Variants in MAPK1IP1L observed in about 807,000 individuals in gnomAD.
MAPK1IP1L encodes mitogen-activated protein kinase 1 interacting protein 1 like, also known as MAPK-interacting and spindle-stabilizing protein-like.
In MAPK1IP1L, 10 loss-of-function variants were observed where a neutral mutation model predicts 18.1. The observed-to-expected ratio is 0.55, with a 90% CI of 0.34 to 0.94. The LOEUF (loss-of-function observed/expected upper bound fraction) is 0.94. MAPK1IP1L is among the 40% of genes least tolerant of loss of function. The pLI, the probability that MAPK1IP1L is intolerant of heterozygous loss-of-function variation, is 0.02. For missense variants in MAPK1IP1L, 260 were observed against 318.2 expected (o/e 0.82, Z 1.39); for synonymous variants, 115 against 117.3 (o/e 0.98, Z 0.13).
In MAPK1IP1L at chr14:55,069,993, ATT is replaced by A. The variant is rs1331274285; in HGVS notation, c.*5368_*5369del. The stretch of plus-strand genomic sequence containing the variant: ...TCGCTGGCATTCCTTGGAACTCCCA[ATT>A]TCAGTAGGGCAATGAATGAATGAAT... On this transcript the variant is annotated 3_prime_UTR_variant, in exon 4 of 4. Coordinates refer to ENST00000395468, the MANE Select transcript of MAPK1IP1L (RefSeq NM_144578.4). 3 of 152,218 alleles carry A rather than the reference ATT, an allele frequency of 2.0e-5. No individual in the cohort carries two copies. Among genetic ancestry groups the A allele is most frequent in the Non-Finnish European group, 4.4e-5 (3 of 68,042 alleles). 9.4% of individuals were successfully genotyped at this position (152,218 alleles called of 1,614,324 possible).
chr14:55,065,435 T>C lies in MAPK1IP1L; in HGVS notation c.*808T>C, dbSNP rs895467225. 1.3e-5 allele frequency: 2 copies of C among 152,214 alleles called. No homozygotes were observed. Among genetic ancestry groups the C allele is most frequent in the African/African-American group, 4.8e-5 (2 of 41,458 alleles). The allele number at this position is 152,214 out of a possible 1,614,324, so 9.4% of individuals were successfully genotyped here. A position where few individuals can be genotyped will look rare whatever the true frequency, so the allele number is the denominator to read the frequency against. On this transcript the variant is annotated 3_prime_UTR_variant, in exon 4 of 4. Transcript: ENST00000395468. ...CTCGAGGAAGGAAATAATTCTCTCC[T>C]TTGTTTTGAACCTCAAACTAGATAA...
rs376804721 is a variant in MAPK1IP1L at position 55,062,747 on chromosome 14, C to T, written c.148C>T (p.Pro50Ser). 3 of 1,614,160 alleles carry T rather than the reference C, an allele frequency of 1.9e-6. No individual in the cohort carries two copies. The highest frequency in any genetic ancestry group is 2.5e-6 in the Non-Finnish European group (3 of 1,180,018). ...TAATCCGAGTGCTCCATCTTCAGTG[C>T]CATCTGGACTCCCACCAAGTGCAAC... ...WNNPSAPSSV[P>S]SGLPPSATPS... The change falls in exon 3 of 4, where the codon CCA (proline) becomes TCA (serine). Residue 50 changes from proline to serine, a missense_variant. Pro to Ser is a moderately conservative substitution (Grantham distance 74). Transcript: ENST00000395468.
chr14:55,055,508 A>C (rs2042764368), intron 1 of MAPK1IP1L, among the ~76,000 whole-genome samples: 1 of 152,184 alleles, frequency 6.6e-6, no homozygotes, highest in South Asian at 2.1e-4. Flanking sequence ...CATGTTTTTT[A>C]GATCTAATAA....
At chr14:55,052,019 C>T (rs1435068672) in intron 1 of MAPK1IP1L, among the ~76,000 whole-genome samples, 2 of 152,112 alleles carry the variant, frequency 1.3e-5, no homozygotes, top group African/African-American at 4.8e-5. Context: ...GGATCGCCCC[C>T]CAGGGAGAAG....
rs1317125540 is a variant in MAPK1IP1L at position 55,066,527 on chromosome 14, A to G, written c.*1900A>G. On this transcript the variant is annotated 3_prime_UTR_variant, in exon 4 of 4. Transcript: ENST00000395468. Reference sequence around the variant, plus strand: ...CTTGAATTATCAATATCAAAATGTCAGTTAACCATGGAGGGATAAAGTAAT... The same window carrying G: ...CTTGAATTATCAATATCAAAATGTCGGTTAACCATGGAGGGATAAAGTAAT... The G allele has an allele frequency of 6.6e-6, 1 of 152,226 alleles. No individual in the cohort carries two copies. Among genetic ancestry groups the G allele is most frequent in the African/African-American group, 2.4e-5 (1 of 41,456 alleles). 9.4% of individuals were successfully genotyped at this position (152,226 alleles called of 1,614,324 possible). A position where few individuals can be genotyped will look rare whatever the true frequency, so the allele number is the denominator to read the frequency against.
chr14:55,062,047 T>C (rs959780513), intron 2 of MAPK1IP1L, among the ~76,000 whole-genome samples: 1 of 152,266 alleles, frequency 6.6e-6, no homozygotes, highest in Non-Finnish European at 1.5e-5. Flanking sequence ...TTTGGAAATG[T>C]TTCCTGTATT....
chr14:55,052,408 C>G (rs922068686), intron 1 of MAPK1IP1L, among the ~76,000 whole-genome samples: 6 of 152,118 alleles, frequency 3.9e-5, no homozygotes, highest in African/African-American at 1.4e-4. Context: ...TAGATGAATA[C>G]CCAGGGCAAA....
In MAPK1IP1L at chr14:55,070,190, G is replaced by A. The variant is rs891990497; in HGVS notation, c.*5563G>A. 1 of 152,188 alleles carries A rather than the reference G, an allele frequency of 6.6e-6. No homozygotes were observed. The highest frequency in any genetic ancestry group is 1.5e-5 in the Non-Finnish European group (1 of 68,040). 9.4% of individuals were successfully genotyped at this position (152,188 alleles called of 1,614,324 possible). A position where few individuals can be genotyped will look rare whatever the true frequency, so the allele number is the denominator to read the frequency against. The stretch of plus-strand genomic sequence containing the variant: ...GGTGAAATAATAAGACCATTCTGGA[G>A]CAGGGCCAGTTTCTTTTTTTCCTGT... On this transcript the variant is annotated 3_prime_UTR_variant, in exon 4 of 4. Coordinates refer to ENST00000395468, the MANE Select transcript of MAPK1IP1L (RefSeq NM_144578.4).
chr14:55,058,512 CT>C (rs1679595494), intron 1 of MAPK1IP1L, among the ~76,000 whole-genome samples: 1 of 152,132 alleles, frequency 6.6e-6, no homozygotes, highest in Non-Finnish European at 1.5e-5. Context: ...CTAAACAGTC[CT>C]CTGTGTCTGC....
intron 1 of MAPK1IP1L, among the ~76,000 whole-genome samples, chr14:55,052,630 C>A (rs1163466033): frequency 6.6e-6 from 1 of 152,186 alleles, no homozygotes; most frequent in Non-Finnish European, 1.5e-5. Context: ...AAATACACAC[C>A]TGGGGGTTGT....
rs905910028 is a variant in MAPK1IP1L at position 55,070,137 on chromosome 14, T to C, written c.*5510T>C. The C allele has an allele frequency of 6.6e-6, 1 of 152,194 alleles. No individual in the cohort carries two copies. Among genetic ancestry groups the C allele is most frequent in the Non-Finnish European group, 1.5e-5 (1 of 68,032 alleles). 9.4% of individuals were successfully genotyped at this position (152,194 alleles called of 1,614,324 possible). A position where few individuals can be genotyped will look rare whatever the true frequency, so the allele number is the denominator to read the frequency against. The stretch of plus-strand genomic sequence containing the variant: ...GTTATTCAATATCCCATGAAAGTAT[T>C]CACCTAAAGTGGAGTTATGAAATGG... On this transcript the variant is annotated 3_prime_UTR_variant, in exon 4 of 4. Transcript: ENST00000395468.
intron 1 of MAPK1IP1L, among the ~76,000 whole-genome samples, chr14:55,057,071 A>G (rs1310734723): frequency 1.3e-5 from 2 of 152,248 alleles, no homozygotes; most frequent in Non-Finnish European, 2.9e-5. Context: ...AGGAATAAAT[A>G]ATAGCATAGG....
chr14:55,054,103 A>G (rs1188986981), intron 1 of MAPK1IP1L, among the ~76,000 whole-genome samples: 3 of 152,100 alleles, frequency 2.0e-5, no homozygotes, highest in African/African-American at 7.2e-5. Flanking sequence ...CCCAAATGTA[A>G]AAAATGGAAC....
intron 1 of MAPK1IP1L, among the ~76,000 whole-genome samples, chr14:55,060,980 A>C (rs1357139340): frequency 6.6e-6 from 1 of 152,046 alleles, no homozygotes; most frequent in Non-Finnish European, 1.5e-5. Context: ...CTCTGCAATA[A>C]ATTTTTAAAA....
intron 1 of MAPK1IP1L, among the ~76,000 whole-genome samples, chr14:55,054,813 G>A (rs2042758517): frequency 6.6e-6 from 1 of 152,110 alleles, no homozygotes; most frequent in Non-Finnish European, 1.5e-5. Flanking sequence ...CCTGACCCAT[G>A]ATTTTTACCC....
At chr14:55,063,628 TTTTTG>T (rs1454902134) in intron 3 of MAPK1IP1L, among the ~76,000 whole-genome samples, 1 of 152,146 alleles carries the variant, frequency 6.6e-6, no homozygotes. Context: ...TTCATTGGGC[TTTTTG>T]TTTTATTATT....
chr14:55,056,876 GTTC>G (rs2140258000), intron 1 of MAPK1IP1L, among the ~76,000 whole-genome samples: 1 of 152,228 alleles, frequency 6.6e-6, no homozygotes, highest in South Asian at 2.1e-4. Flanking sequence ...TGTCCTTTAT[GTTC>G]TTGTCCTTTC....
At chr14:55,053,937 G>A (rs1464178298) in intron 1 of MAPK1IP1L, among the ~76,000 whole-genome samples, 1 of 152,082 alleles carries the variant, frequency 6.6e-6, no homozygotes, top group African/African-American at 2.4e-5. Context: ...CAAATGCTTG[G>A]GACCAGAAGT....
rs2042867122 is a variant in MAPK1IP1L at position 55,066,956 on chromosome 14, G to A, written c.*2329G>A. The A allele has an allele frequency of 6.6e-6, 1 of 151,094 alleles. No individual in the cohort carries two copies. Among genetic ancestry groups the A allele is most frequent in the African/African-American group, 2.4e-5 (1 of 41,058 alleles). The allele number at this position is 151,094 out of a possible 1,614,324, so 9.4% of individuals were successfully genotyped here. On this transcript the variant is annotated 3_prime_UTR_variant, in exon 4 of 4. Transcript: ENST00000395468. ...TCTGTCGCCCATGCTGGAGTGCAGT[G>A]GTGCTATCTTGGTTCACTGCAAGCT...
Sources: allele counts gnomAD v4.1 joint callset (sites outside exome capture counted in the v4.1 genomes callset), GRCh38; gene constraint gnomAD v4.1.1; transcripts MANE v1.5; gene names NCBI Gene and HGNC (gene_info 2026-07-23, HGNC 2026-07-21).